The following NR2F1 variants were observed in gnomAD, a reference collection of about 807,000 sequenced individuals.
NR2F1 encodes the protein COUP transcription factor 1.
NR2F1 carries 1 observed loss-of-function variant against 37.7 expected under a neutral mutation model. The observed-to-expected ratio is 0.03, with a 90% CI of 0.01 to 0.13. The LOEUF is 0.13. Ranked by LOEUF, NR2F1 falls within the 10% of genes least tolerant of loss-of-function variation. The pLI is 1.00. For missense variants in NR2F1, 268 were observed against 578.4 expected, an observed-to-expected ratio of 0.46 and a Z score of 5.50; for synonymous variants, 275 against 259.6, an observed-to-expected ratio of 1.06 and a Z score of -0.57.
rs1456709547 is a variant in NR2F1, at chr5:93,594,285, C to T, written c.*443C>T. 6.4e-6 allele frequency: 1 copy of T among 155,376 alleles called. No homozygotes were observed. Among genetic ancestry groups the T allele is most frequent in the African/African-American group, 2.4e-5 (1 of 41,576 alleles). The allele number at this position is 155,376 out of a possible 1,614,324, so 9.6% of individuals were successfully genotyped here. Reference sequence around the variant, plus strand: ...TATGTAGAAACACACACACACTGAACATTGTTATTCATTTTGTAAAATACT... The same window carrying T: ...TATGTAGAAACACACACACACTGAATATTGTTATTCATTTTGTAAAATACT... On this transcript the variant is annotated 3_prime_UTR_variant, in exon 3 of 3. Transcript: ENST00000327111.
chr5:93,587,548 ATT>A, intron 1 of NR2F1: 1 of 207,832 alleles, frequency 4.8e-6, no homozygotes, highest in East Asian at 1.1e-4. Flanking sequence ...TTTAACCCTG[ATT>A]TTTTTTTTCC....
Position 93,593,918 on chromosome 5 carries a change from C to A in NR2F1, c.*76C>A. On this transcript the variant is annotated 3_prime_UTR_variant, in exon 3 of 3. Coordinates refer to ENST00000327111, the MANE Select transcript of NR2F1 (RefSeq NM_005654.6). This position sits in a 1 kb window ranked among gnomAD's most constrained non-coding sequence, Gnocchi z 5.6. ...ACCTGGGCCAAGGACTCCAAAGCCG[C>A]GGGGACACCGGGAAGTGCAGCGGGC... 4.2e-6 allele frequency: 6 copies of A among 1,445,600 alleles called. No homozygotes were observed. Among genetic ancestry groups the A allele is most frequent in the African/African-American group, 1.4e-5 (1 of 71,292 alleles). The allele number at this position is 1,445,600 out of a possible 1,614,324, so 89.5% of individuals were successfully genotyped here.
At chr5:93,587,542 AC>A (rs1468880028) in intron 1 of NR2F1, 9 of 203,580 alleles carry the variant, frequency 4.4e-5, no homozygotes. Context: ...CCTTTTTTTA[AC>A]CCTGATTTTT....
rs1161265220 is a variant in NR2F1, at chr5:93,588,446, TGAG to T, written c.991+4_991+6del. On this transcript the variant is annotated splice_donor_5th_base_variant and intron_variant, in intron 2 of 2. Transcript: ENST00000327111. ...AAGCCATCGTGCTGTTCACGTCAGG[TGAG>T]GCTGCGGTCGCGGGGAGGGCAGGCC... 1 of 1,573,606 alleles carries T rather than the reference TGAG, an allele frequency of 6.4e-7. No individual in the cohort carries two copies. The highest frequency in any genetic ancestry group is 2.3e-5 in the East Asian group (1 of 43,504).
chr5:93,586,337 C>T (rs1456893559), intron 1 of NR2F1, among the ~76,000 whole-genome samples: 2 of 152,044 alleles, frequency 1.3e-5, no homozygotes, highest in Non-Finnish European at 2.9e-5. Flanking sequence ...CTGATTTGGC[C>T]GTAATGCATA....
rs1178319346 is a variant in NR2F1, at chr5:93,583,955, CAAAAAGAGCA to C, written c.-1066_-1057del. 1 of 152,246 alleles carries C rather than the reference CAAAAAGAGCA, an allele frequency of 6.6e-6. No individual in the cohort carries two copies. The highest frequency in any genetic ancestry group is 2.4e-5 in the African/African-American group (1 of 41,388). The allele number at this position is 152,246 out of a possible 1,614,324, so 9.4% of individuals were successfully genotyped here. On this transcript the variant is annotated 5_prime_UTR_variant, in exon 1 of 3. Coordinates refer to ENST00000327111, the MANE Select transcript of NR2F1 (RefSeq NM_005654.6). ...CGAGAGCCCGGCGCCACCGGCACAA[CAAAAAGAGCA>C]AAGTGTGTGATCTTCCTCGCCGGCT... is the stretch of plus-strand genomic sequence containing the variant.
At chr5:93,586,941 T>C (rs955655132) in intron 1 of NR2F1, among the ~76,000 whole-genome samples, 1 of 152,096 alleles carries the variant, frequency 6.6e-6, no homozygotes, top group African/African-American at 2.4e-5. Flanking sequence ...TATTAATTTG[T>C]TGGGGGAAGA....
rs1353276313 is a variant in NR2F1 at position 93,584,618 on chromosome 5, C to CG, written c.-400dup. 4.0e-4 allele frequency: 19 copies of CG among 47,104 alleles called. No individual in the cohort carries two copies. Among genetic ancestry groups the CG allele is most frequent in the African/African-American group, 1.6e-3 (19 of 12,042 alleles). The allele number at this position is 47,104 out of a possible 1,614,324, so 2.9% of individuals were successfully genotyped here. A position where few individuals can be genotyped will look rare whatever the true frequency, so the allele number is the denominator to read the frequency against. The stretch of plus-strand genomic sequence containing the variant: ...AAGCGAGAGAAGGGAGCTTGCTCGC[C>CG]GGGGGGTGGGGAGGGGGGAAGGAGA... On this transcript the variant is annotated 5_prime_UTR_variant, in exon 1 of 3. Coordinates refer to ENST00000327111, the MANE Select transcript of NR2F1 (RefSeq NM_005654.6).
intron 1 of NR2F1, 104 bp downstream of exon 1, chr5:93,585,590 G>A: frequency 1.1e-6 from 1 of 900,766 alleles, no homozygotes; most frequent in Non-Finnish European, 1.7e-6. Flanking sequence ...GGGCTCCTGT[G>A]GTCCCGGCCC....
In NR2F1 at chr5:93,584,080, G is replaced by C. The variant is rs1284204545; in HGVS notation, c.-944G>C. The C allele has an allele frequency of 6.6e-6, 1 of 151,350 alleles. No homozygotes were observed. Among genetic ancestry groups the C allele is most frequent in the Non-Finnish European group, 1.5e-5 (1 of 67,842 alleles). 9.4% of individuals were successfully genotyped at this position (151,350 alleles called of 1,614,324 possible). On this transcript the variant is annotated 5_prime_UTR_variant, in exon 1 of 3. Coordinates refer to ENST00000327111, the MANE Select transcript of NR2F1 (RefSeq NM_005654.6). Reference sequence around the variant, plus strand: ...CCGACACCCGCGCGCCCTGATCGCCGGCGGCAGCCTCGCCCAGCGCCCTGC... The same window carrying C: ...CCGACACCCGCGCGCCCTGATCGCCCGCGGCAGCCTCGCCCAGCGCCCTGC...
chr5:93,585,631 C>T, intron 1 of NR2F1, 145 bp downstream of exon 1: 1 of 681,268 alleles, frequency 1.5e-6, no homozygotes, highest in Non-Finnish European at 2.5e-6. Flanking sequence ...GGCTGCCTTC[C>T]TCCCCCGGCG....
chr5:93,585,220 C>T lies in NR2F1; in HGVS notation c.197C>T (p.Thr66Met), dbSNP rs2149941519. 1.3e-6 allele frequency: 2 copies of T among 1,546,382 alleles called. No homozygotes were observed. The highest frequency in any genetic ancestry group is 1.7e-4 in the Middle Eastern group (1 of 5,946). ...GQPGAPATPG[T>M]AGDKGQGPPG... ...CCCGGAGCGCCCGCCACCCCCGGCA[C>T]GGCGGGGGACAAGGGCCAGGGCCCG... The change falls in exon 1 of 3, where the codon ACG becomes ATG. Residue 66 changes from threonine (T) to methionine (M), a missense_variant. This residue lies in a region of NR2F1 where 90 missense variants were observed against 106.5 expected (regional missense o/e 0.85). Coordinates refer to ENST00000327111, the MANE Select transcript of NR2F1 (RefSeq NM_005654.6).
chr5:93,587,517 C>T (rs547164004), intron 1 of NR2F1: 1 of 189,082 alleles, frequency 5.3e-6, no homozygotes, highest in Non-Finnish European at 1.1e-5. Flanking sequence ...GAACCACAAC[C>T]TTTCTCCGGT....
intron 2 of NR2F1, among the ~76,000 whole-genome samples, chr5:93,588,949 C>G (rs1561525464): frequency 6.6e-6 from 1 of 151,994 alleles, no homozygotes; most frequent in African/African-American, 2.4e-5. Context: ...ATGAATTTCC[C>G]GACACAGAGA....
In NR2F1 at chr5:93,585,667, T is replaced by A; in HGVS notation, c.463+181T>A. The A allele has an allele frequency of 5.4e-6, 3 of 550,710 alleles. No homozygotes were observed. In the South Asian group the frequency reaches 6.3e-5, roughly 12 times the overall value. 34.1% of individuals were successfully genotyped at this position (550,710 alleles called of 1,614,324 possible). On this transcript the variant is annotated intron_variant, in intron 1 of 2. Coordinates refer to ENST00000327111, the MANE Select transcript of NR2F1 (RefSeq NM_005654.6). ...TCTCCCCCCGCCCTCCCCAGCTCGC[T>A]GCCGCTGCCTCCCCCTCCCGGCCTG...
chr5:93,594,006 A>C lies in NR2F1; in HGVS notation c.*164A>C. 1.6e-6 allele frequency: 1 copy of C among 611,226 alleles called. No homozygotes were observed. Among genetic ancestry groups the C allele is most frequent in the Non-Finnish European group, 2.9e-6 (1 of 349,206 alleles). The allele number at this position is 611,226 out of a possible 1,614,324, so 37.9% of individuals were successfully genotyped here. A position where few individuals can be genotyped will look rare whatever the true frequency, so the allele number is the denominator to read the frequency against. On this transcript the variant is annotated 3_prime_UTR_variant, in exon 3 of 3. Coordinates refer to ENST00000327111, the MANE Select transcript of NR2F1 (RefSeq NM_005654.6). ...GAGCAGCCCACCCAGCAGAAATACA[A>C]TCCGAGCTACAAAGCATGGGAAAAA...
intron 2 of NR2F1, among the ~76,000 whole-genome samples, chr5:93,589,376 T>A (rs1020196255): frequency 1.3e-5 from 2 of 152,208 alleles, no homozygotes; most frequent in Admixed American, 6.5e-5. Context: ...AATCCCCGCT[T>A]TTTATTATTG....
Position 93,593,707 on chromosome 5 carries a change from C to T in NR2F1, c.1137C>T (p.Thr379=), listed in dbSNP as rs1753373768. 4 of 1,614,216 alleles carry T rather than the reference C, an allele frequency of 2.5e-6. No individual in the cohort carries two copies. Among genetic ancestry groups the T allele is most frequent in the Admixed American group, 1.7e-5 (1 of 60,026 alleles). ...TGCTGCGACTGCCCTCGCTGCGCAC[C>T]GTGTCCTCCTCCGTCATCGAGCAGC... ...KLLLRLPSLR[T]VSSSVIEQLF... Residue 379 remains threonine (T), a synonymous_variant, in exon 3 of 3, where the codon ACC becomes ACT. Transcript: ENST00000327111. The surrounding 1 kb of genome is among the most constrained non-coding windows in gnomAD (Gnocchi z 5.6).
chr5:93,588,477 G>A, intron 2 of NR2F1, 33 bp downstream of exon 2: 2 of 1,464,210 alleles, frequency 1.4e-6, no homozygotes, highest in Non-Finnish European at 1.8e-6. Flanking sequence ...GGCAGGCCGC[G>A]CCGGCAGCGA....
Sources: allele counts gnomAD v4.1 joint callset (sites outside exome capture counted in the v4.1 genomes callset), GRCh38; gene constraint gnomAD v4.1.1; regional missense constraint gnomAD v4.1.1; non-coding constraint Gnocchi (gnomAD v3.1); transcripts MANE v1.5; gene names NCBI Gene and HGNC (gene_info 2026-07-23, HGNC 2026-07-21).